PCTP: variants seen among roughly 807,000 people sequenced by gnomAD.
PCTP encodes START domain-containing protein 2.
A neutral mutation model predicts 31.0 loss-of-function variants in PCTP; 27 were observed. That is an observed-to-expected ratio of 0.87 (90% CI 0.64 to 1.20). The LOEUF is 1.20. Ranked by LOEUF, PCTP falls within the 50% of genes most tolerant of loss-of-function variation. The pLI, the probability that PCTP is intolerant of heterozygous loss-of-function variation, is 0.00. For synonymous variants in PCTP, 108 were observed against 101.2 expected (o/e 1.07, Z -0.40); for missense variants, 287 against 268.2 (o/e 1.07, Z -0.49).
chr17:55,802,596 A>G (rs1912423575), intron 3 of PCTP, among the ~76,000 whole-genome samples: 1 of 152,228 alleles, frequency 6.6e-6, no homozygotes, highest in Non-Finnish European at 1.5e-5. Flanking sequence ...AATCCATCAC[A>G]TAAAACCAAT....
chr17:55,762,732 A>G (rs1287863088), intron 1 of PCTP, among the ~76,000 whole-genome samples: 2 of 152,066 alleles, frequency 1.3e-5, no homozygotes, highest in Non-Finnish European at 1.5e-5. Context: ...TGGTCATAGG[A>G]TAGTTGCAGC....
downstream of PCTP, among the ~76,000 whole-genome samples, chr17:55,845,535 C>A (rs1906120149): frequency 6.6e-6 from 1 of 152,172 alleles, no homozygotes; most frequent in African/African-American, 2.4e-5. Flanking sequence ...CCTCGAGGAA[C>A]GCCTTGGCCA....
chr17:55,843,397 C>T (rs1906047636), downstream of PCTP, among the ~76,000 whole-genome samples: 1 of 152,150 alleles, frequency 6.6e-6, no homozygotes, highest in Non-Finnish European at 1.5e-5. Flanking sequence ...CTGCCCCCCT[C>T]CCCATCTACC....
chr17:55,790,315 AGG>A (rs1390263118), intron 3 of PCTP, among the ~76,000 whole-genome samples: 2 of 152,150 alleles, frequency 1.3e-5, no homozygotes, highest in Non-Finnish European at 2.9e-5. Context: ...GCAATTAGGC[AGG>A]AGAAGGAAAT....
At chr17:55,775,417 C>T in intron 5 of PCTP, 3 of 1,231,932 alleles carry the variant, frequency 2.4e-6, no homozygotes, top group Non-Finnish European at 3.0e-6. Context: ...GAGAGCTCAA[C>T]AGATTCCTTG....
intron 3 of PCTP, among the ~76,000 whole-genome samples, chr17:55,791,210 A>T (rs1176678151): frequency 6.6e-6 from 1 of 152,090 alleles, no homozygotes; most frequent in Non-Finnish European, 1.5e-5. Context: ...CCCTAGAAGA[A>T]AACCTAGGCA....
intron 3 of PCTP, among the ~76,000 whole-genome samples, chr17:55,795,277 C>T (rs1567723647): frequency 6.6e-6 from 1 of 152,034 alleles, no homozygotes; most frequent in Non-Finnish European, 1.5e-5. Context: ...TGTAACTTCA[C>T]GTAGTCTGAC....
At chr17:55,764,150 C>G (rs1910506218) in intron 1 of PCTP, among the ~76,000 whole-genome samples, 1 of 152,226 alleles carries the variant, frequency 6.6e-6, no homozygotes, top group Admixed American at 6.5e-5. Flanking sequence ...AAGAAGAGAA[C>G]CAGTGTAAGG....
rs918954949 is a variant in PCTP, at chr17:55,776,336, C to G, written c.*236C>G. On this transcript the variant is annotated 3_prime_UTR_variant, in exon 6 of 6. Transcript: ENST00000268896. Reference sequence around the variant, plus strand: ...TCGTCTGCTTCCTTTCTCGCTCCCCCCATCCTGGGCTGGGCTGCCTTCTTC... The same window carrying G: ...TCGTCTGCTTCCTTTCTCGCTCCCCGCATCCTGGGCTGGGCTGCCTTCTTC... The G allele has an allele frequency of 4.3e-5, 58 of 1,356,392 alleles. No individual in the cohort carries two copies. Among genetic ancestry groups the G allele is most frequent in the South Asian group, 2.8e-4 (14 of 49,144 alleles). The allele number at this position is 1,356,392 out of a possible 1,614,324, so 84.0% of individuals were successfully genotyped here.
rs1051968923 is a variant in PCTP, at chr17:55,751,117, C to T, written c.14C>T (p.Ala5Val). 1 of 1,541,506 alleles carries T rather than the reference C, an allele frequency of 6.5e-7. No homozygotes were observed. The highest frequency in any genetic ancestry group is 2.0e-5 in the Admixed American group (1 of 49,920). ...GACTGCGGAAGGATGGAGCTGGCCG[C>T]CGGAAGCTTCTCGGAGGAGCAGTTC... MELAAGSFSEEQFWE... is the reference protein window; with the variant it reads MELAVGSFSEEQFWE... The change falls in exon 1 of 6, where the codon GCC becomes GTC. Residue 5 changes from alanine to valine, a missense_variant. Ala to Val is a moderately conservative substitution (Grantham distance 64). Transcript: ENST00000268896.
chr17:55,838,127 C>A (rs1043774721), intron 5 of PCTP, among the ~76,000 whole-genome samples: 1 of 151,700 alleles, frequency 6.6e-6, no homozygotes, highest in Non-Finnish European at 1.5e-5. Context: ...GGTGACAGAA[C>A]AAGACCCTGT....
At chr17:55,784,059 C>T (rs774004599) in intron 2 of PCTP, among the ~76,000 whole-genome samples, 1 of 152,240 alleles carries the variant, frequency 6.6e-6, no homozygotes, top group Non-Finnish European at 1.5e-5. Flanking sequence ...AGACAGCATG[C>T]GTTTCCTCTT....
chr17:55,836,251 C>G (rs1275062206), intron 5 of PCTP, among the ~76,000 whole-genome samples: 1 of 152,106 alleles, frequency 6.6e-6, no homozygotes, highest in Non-Finnish European at 1.5e-5. Context: ...AATGACATAA[C>G]CTAGTGGATA....
chr17:55,788,061 T>C (rs952238113), intron 3 of PCTP, among the ~76,000 whole-genome samples: 1 of 152,226 alleles, frequency 6.6e-6, no homozygotes, highest in Non-Finnish European at 1.5e-5. Context: ...ATATTTATAC[T>C]ACTGGATTGT....
At chr17:55,780,540 C>T (rs926138501), downstream of PCTP, among the ~76,000 whole-genome samples, 2 of 152,212 alleles carry the variant, frequency 1.3e-5, no homozygotes, top group African/African-American at 4.8e-5. Flanking sequence ...TATTCCATGT[C>T]CTCTGCAGAC....
intron 1 of PCTP, among the ~76,000 whole-genome samples, chr17:55,760,877 G>A (rs907514756): frequency 2.6e-5 from 4 of 152,138 alleles, no homozygotes; most frequent in East Asian, 1.9e-4. Flanking sequence ...CACCAACAGC[G>A]TCATCAGCTG....
chr17:55,815,191 AG>A (rs1420475639), intron 3 of PCTP, among the ~76,000 whole-genome samples: 2 of 152,248 alleles, frequency 1.3e-5, no homozygotes, highest in African/African-American at 4.8e-5. Context: ...GAGTTTAAAA[AG>A]CATGATTATA....
chr17:55,756,403 A>G (rs1345164940), intron 1 of PCTP, among the ~76,000 whole-genome samples: 1 of 152,200 alleles, frequency 6.6e-6, no homozygotes, highest in Non-Finnish European at 1.5e-5. Flanking sequence ...CAGATAAGGG[A>G]GTCCAGAAAG....
rs1216611608 is a variant in PCTP at position 55,805,884 on chromosome 17, GTA to G, written c.318-16875_318-16874del. Among the ~76,000 whole-genome samples the G allele has an allele frequency of 3.2e-4, 44 of 136,548 alleles. 1 individual carries two copies. The highest frequency in any genetic ancestry group is 2.2e-3 in the East Asian group (11 of 5,062). The allele number at this position is 136,548 out of a possible 152,430, so 89.6% of individuals were successfully genotyped here. ...AGTTATGGTCTCTCTCTCTCAATCTGTATGTGTGTGTGTGTGTGTGTGTGTGT... is the reference window on the plus strand; with the variant it reads ...AGTTATGGTCTCTCTCTCTCAATCTGTGTGTGTGTGTGTGTGTGTGTGTGT... On this transcript the variant is annotated intron_variant, in intron 3 of 3. Transcript: ENST00000572536.
Sources: gnomAD v4.1 joint callset for allele counts (sites outside exome capture counted in the v4.1 genomes callset) on GRCh38, gnomAD v4.1.1 for gene constraint, MANE v1.5 for transcripts, NCBI Gene and HGNC (gene_info 2026-07-23, HGNC 2026-07-21) for gene names.